TAMM41: variants seen among roughly 807,000 people sequenced by gnomAD.
TAMM41 encodes phosphatidate cytidylyltransferase, mitochondrial.
Under a neutral mutation model 44.1 loss-of-function variants are expected in TAMM41, and 36 were observed. The observed-to-expected ratio is 0.82, with a 90% CI of 0.63 to 1.08. The LOEUF (loss-of-function observed/expected upper bound fraction) is 1.08, where lower values mean the gene tolerates loss of function less well. TAMM41 is among the 50% of genes least tolerant of loss of function. TAMM41 has a pLI of 0.00. For missense variants in TAMM41, 417 were observed against 404.3 expected (o/e 1.03, Z -0.27); for synonymous variants, 164 against 153.1 (o/e 1.07, Z -0.53).
At chr3:11,834,190 T>C (rs2079088023) in intron 3 of TAMM41, among the ~76,000 whole-genome samples, 1 of 151,976 alleles carries the variant, frequency 6.6e-6, no homozygotes, top group Non-Finnish European at 1.5e-5. Context: ...TAAATTGTGT[T>C]CATGCCACTC....
the TAMM41 span, among the ~76,000 whole-genome samples, chr3:11,736,349 G>C: frequency 2.0e-5 from 3 of 152,186 alleles, no homozygotes; most frequent in African/African-American, 7.2e-5. Context: ...AACCAATCAT[G>C]TGATTAGCTC....
chr3:11,822,805 G>A (rs1289257302), intron 4 of TAMM41, among the ~76,000 whole-genome samples: 1 of 152,164 alleles, frequency 6.6e-6, no homozygotes. Context: ...CATTTGTGCT[G>A]TTTCCACTTT....
chr3:11,811,685 A>G (rs2124965305), intron 5 of TAMM41: 1 of 152,364 alleles, frequency 6.6e-6, no homozygotes, highest in Admixed American at 6.5e-5. Flanking sequence ...ACTTAAGAAA[A>G]AAGCAGATAT....
chr3:11,760,553 T>G, the TAMM41 span, among the ~76,000 whole-genome samples: 1 of 151,722 alleles, frequency 6.6e-6, no homozygotes, highest in African/African-American at 2.4e-5. Flanking sequence ...TTTTGTTTTG[T>G]TTTGTTTTGT....
intron 4 of TAMM41, chr3:11,826,952 A>T (rs1039596415): frequency 6.6e-6 from 1 of 152,262 alleles, no homozygotes; most frequent in African/African-American, 2.4e-5. Flanking sequence ...GACTTCAGTC[A>T]CATCAGTCTA....
the TAMM41 span, among the ~76,000 whole-genome samples, chr3:11,751,736 T>C: frequency 0.037 from 5,628 of 152,366 alleles, 341 homozygotes; most frequent in African/African-American, 0.13. Flanking sequence ...TGAAACTCCC[T>C]GCCGCACTTG....
At chr3:11,723,580 C>CAAA in the TAMM41 span, among the ~76,000 whole-genome samples, 1 of 97,242 alleles carries the variant, frequency 1.0e-5, no homozygotes, top group African/African-American at 3.6e-5. Context: ...GACCCTGTCT[C>CAAA]AAAAAAAAAA....
At chr3:11,771,392 G>A in the TAMM41 span, 69,643 of 152,122 alleles carry the variant, frequency 0.46, 16,106 homozygotes, top group African/African-American at 0.5. Context: ...TGGGGAGGCT[G>A]CTGGAGGTTG....
At chr3:11,748,407 G>C in the TAMM41 span, among the ~76,000 whole-genome samples, 5 of 151,432 alleles carry the variant, frequency 3.3e-5, no homozygotes, top group African/African-American at 1.2e-4. Context: ...TTCAGCCTCC[G>C]AGTAGCTGGA....
downstream of TAMM41, among the ~76,000 whole-genome samples, chr3:11,789,065 T>C (rs902170524): frequency 2.6e-5 from 4 of 152,242 alleles, no homozygotes; most frequent in African/African-American, 9.6e-5. Context: ...CACAAGGTGC[T>C]ACCCTAGGTG....
At chr3:11,785,763 G>A (rs1032655880), downstream of TAMM41, among the ~76,000 whole-genome samples, 2 of 152,074 alleles carry the variant, frequency 1.3e-5, no homozygotes, top group African/African-American at 2.4e-5. Flanking sequence ...CCACGGGTGC[G>A]CACCACTGCT....
chr3:11,743,668 A>G, the TAMM41 span, among the ~76,000 whole-genome samples: 4 of 152,038 alleles, frequency 2.6e-5, no homozygotes, highest in South Asian at 2.1e-4. Context: ...TTCTGCTTAT[A>G]TAAGTTGGAG....
the TAMM41 span, among the ~76,000 whole-genome samples, chr3:11,764,486 C>CTTTTTCTTTTTTTTT: frequency 1.5e-5 from 1 of 68,128 alleles, no homozygotes; most frequent in African/African-American, 6.8e-5. Flanking sequence ...TAATCTTATT[C>CTTTTTCTTTTTTTTT]TTTTTTTTTT....
chr3:11,809,739 C>T, intron 5 of TAMM41, 57 bp from the exon 6 acceptor site: 1 of 1,538,822 alleles, frequency 6.5e-7, no homozygotes, highest in Non-Finnish European at 8.8e-7. Context: ...CCTACAAATA[C>T]TCCAAAACTC....
At chr3:11,812,291 C>T (rs1331633196) in intron 5 of TAMM41, among the ~76,000 whole-genome samples, 1 of 152,140 alleles carries the variant, frequency 6.6e-6, no homozygotes, top group African/African-American at 2.4e-5. Context: ...GAGATGAGCA[C>T]CACCTGTAGA....
chr3:11,824,794 G>A (rs2078674837), intron 4 of TAMM41, among the ~76,000 whole-genome samples: 1 of 152,156 alleles, frequency 6.6e-6, no homozygotes, highest in African/African-American at 2.4e-5. Context: ...CATCCTCAGT[G>A]GTGGAACAAA....
At chr3:11,821,873 C>T (rs2078536608) in intron 4 of TAMM41, among the ~76,000 whole-genome samples, 3 of 152,022 alleles carry the variant, frequency 2.0e-5, no homozygotes, top group Admixed American at 1.3e-4. Context: ...TGCAAAATAC[C>T]CCCAAACCTG....
chr3:11,803,053 C>T (rs908794758), intron 7 of TAMM41, among the ~76,000 whole-genome samples: 28 of 152,186 alleles, frequency 1.8e-4, no homozygotes, highest in African/African-American at 6.8e-4. Context: ...GGGCAGATCA[C>T]TTGAGATCAG....
At chr3:11,804,874 T>G (rs1354132453) in intron 7 of TAMM41, among the ~76,000 whole-genome samples, 1 of 151,784 alleles carries the variant, frequency 6.6e-6, no homozygotes, top group Non-Finnish European at 1.5e-5. Flanking sequence ...TATAATTTTT[T>G]TTTTTTTTGA....
Sources: allele counts gnomAD v4.1 joint callset (sites outside exome capture counted in the v4.1 genomes callset), GRCh38; gene constraint gnomAD v4.1.1; transcripts MANE v1.5; gene names NCBI Gene and HGNC (gene_info 2026-07-23, HGNC 2026-07-21).